The following DOCK4 variants were observed in gnomAD, a reference collection of about 807,000 sequenced individuals.
DOCK4 encodes dedicator of cytokinesis protein 4.
In DOCK4, 97 loss-of-function variants were observed where a neutral mutation model predicts 268.1. The ratio of observed to expected loss-of-function variants is 0.36; its 90% confidence interval spans 0.31 to 0.43. The LOEUF (loss-of-function observed/expected upper bound fraction) is 0.43, where lower values mean the gene tolerates loss of function less well. DOCK4 is among the 20% of genes least tolerant of loss of function. The pLI is 1.00. For missense variants in DOCK4, 2,145 were observed against 2,455.7 expected (o/e 0.87, Z 2.67); for synonymous variants, 954 against 887.2 (o/e 1.08, Z -1.34).
chr7:111,907,849 C>T (rs932808332), intron 13 of DOCK4, among the ~76,000 whole-genome samples: 21 of 152,124 alleles, frequency 1.4e-4, no homozygotes, highest in Non-Finnish European at 2.8e-4. Flanking sequence ...CTACCTCAGC[C>T]TCCTGAGTAG....
chr7:112,198,988 A>G (rs1587040054), intron 1 of DOCK4, among the ~76,000 whole-genome samples: 1 of 152,222 alleles, frequency 6.6e-6, no homozygotes, highest in African/African-American at 2.4e-5. Context: ...CTCTGTGCAT[A>G]AAGTGTTTTG....
chr7:111,791,928 T>C (rs1228448625), intron 30 of DOCK4, among the ~76,000 whole-genome samples: 1 of 151,890 alleles, frequency 6.6e-6, no homozygotes, highest in East Asian at 1.9e-4. Context: ...TAAATAGTGG[T>C]CCCCCCAAAA....
chr7:111,929,463 A>G (rs1218565823), intron 12 of DOCK4, among the ~76,000 whole-genome samples: 6 of 152,340 alleles, frequency 3.9e-5, no homozygotes, highest in African/African-American at 1.4e-4. Context: ...ATGTCTAACC[A>G]ATAGGTGGTG....
At chr7:112,093,642 G>A (rs761973069) in intron 1 of DOCK4, among the ~76,000 whole-genome samples, 7 of 152,050 alleles carry the variant, frequency 4.6e-5, no homozygotes, top group Non-Finnish European at 8.8e-5. Flanking sequence ...TAAGCAAAGC[G>A]ACCTTTCTGT....
At chr7:111,829,601 T>A (rs1172781128) in intron 26 of DOCK4, among the ~76,000 whole-genome samples, 1 of 152,218 alleles carries the variant, frequency 6.6e-6, no homozygotes, top group Admixed American at 6.5e-5. Flanking sequence ...ATATCTCTAA[T>A]GTCTAAGCAA....
chr7:111,970,417 T>G (rs1404224072), intron 8 of DOCK4, among the ~76,000 whole-genome samples: 1 of 152,164 alleles, frequency 6.6e-6, no homozygotes, highest in Non-Finnish European at 1.5e-5. Flanking sequence ...CAAGGGCTGA[T>G]TAAATTAATA....
intron 1 of DOCK4, among the ~76,000 whole-genome samples, chr7:112,188,624 C>G (rs984593583): frequency 9.9e-5 from 15 of 152,200 alleles, no homozygotes; most frequent in Non-Finnish European, 7.3e-5. Flanking sequence ...TTCATACCCC[C>G]CAACCCAGAA....
At chr7:112,150,278 C>T (rs1026800063) in intron 1 of DOCK4, among the ~76,000 whole-genome samples, 3 of 152,100 alleles carry the variant, frequency 2.0e-5, no homozygotes, top group African/African-American at 7.2e-5. Flanking sequence ...ACTGTCTTAT[C>T]ATGGTTGGCA....
chr7:111,933,251 T>C (rs1794390281), intron 12 of DOCK4, among the ~76,000 whole-genome samples: 1 of 143,880 alleles, frequency 7.0e-6, no homozygotes, highest in Admixed American at 7.0e-5. Context: ...TATATATACA[T>C]ATATACTTAT....
intron 4 of DOCK4, among the ~76,000 whole-genome samples, chr7:111,996,924 C>G (rs1034536811): frequency 2.6e-5 from 4 of 152,218 alleles, no homozygotes; most frequent in Non-Finnish European, 5.9e-5. Flanking sequence ...TCTCTCTTTT[C>G]TCTTCCTTGG....
At position 111,741,285 on chromosome 7, in the gene DOCK4, A is replaced by G. The variant is rs1236624696; in HGVS notation, c.4920-71T>C. 5.1e-6 allele frequency: 8 copies of G among 1,577,370 alleles called. No homozygotes were observed. The East Asian group carries it at 9.0e-5, about 18-fold the overall frequency. ...GTACTTTATCATGTGCTAGAATGCT[A>G]TGAAACCAAAGGGGGGAAAATACAT... is the stretch of plus-strand genomic sequence containing the variant. On this transcript the variant is annotated intron_variant, in intron 46 of 52. Transcript: ENST00000428084.
intron 23 of DOCK4, among the ~76,000 whole-genome samples, chr7:111,860,155 T>C (rs1269176480): frequency 2.0e-5 from 3 of 152,190 alleles, no homozygotes; most frequent in African/African-American, 7.2e-5. Context: ...TTCTTTTCCT[T>C]CCGACATCTC....
chr7:112,174,936 G>A, intron 1 of DOCK4, among the ~76,000 whole-genome samples: 1 of 142,072 alleles, frequency 7.0e-6, no homozygotes, highest in East Asian at 2.0e-4. Flanking sequence ...GTTTCCCCTG[G>A]AACTTTTTTT....
intron 21 of DOCK4, among the ~76,000 whole-genome samples, chr7:111,868,635 G>A (rs1166504042): frequency 6.6e-6 from 1 of 151,874 alleles, no homozygotes; most frequent in Non-Finnish European, 1.5e-5. Context: ...GCTTGAACCT[G>A]GCAGGCGGAG....
chr7:112,203,544 C>CT (rs1451817058), intron 1 of DOCK4, among the ~76,000 whole-genome samples: 2 of 151,958 alleles, frequency 1.3e-5, no homozygotes, highest in African/African-American at 4.8e-5. Context: ...TAAAAAGTAC[C>CT]TTTGCAGAAA....
At chr7:111,792,438 A>C (rs889754544) in intron 30 of DOCK4, among the ~76,000 whole-genome samples, 2 of 152,154 alleles carry the variant, frequency 1.3e-5, no homozygotes, top group Non-Finnish European at 2.9e-5. Context: ...GCTGGAGTGC[A>C]ATGGCACAAT....
rs1798267599 is a variant in DOCK4, at chr7:111,977,155, G to A, written c.678C>T (p.Asp226=). 1 of 1,613,086 alleles carries A rather than the reference G, an allele frequency of 6.2e-7. No individual in the cohort carries two copies. The highest frequency in any genetic ancestry group is 8.5e-7 in the Non-Finnish European group (1 of 1,179,644). Reference sequence around the variant, plus strand: ...ACCTGATTGGCCGGTTCTCTTTACTGTCAAAGAGTGAGAAGATGACCTCCA... The same window carrying A: ...ACCTGATTGGCCGGTTCTCTTTACTATCAAAGAGTGAGAAGATGACCTCCA... ...EELEVIFSLF[D]SKENRPISER... is the part of the protein sequence containing the mutation. The change falls in exon 8 of 53, where the codon GAC becomes GAT. Residue 226 remains aspartate, a synonymous_variant. Coordinates refer to ENST00000428084, the MANE Select transcript of DOCK4 (RefSeq NM_001363540.2).
At chr7:112,143,385 A>G (rs1815116801) in intron 1 of DOCK4, among the ~76,000 whole-genome samples, 1 of 152,180 alleles carries the variant, frequency 6.6e-6, no homozygotes, top group Admixed American at 6.5e-5. Context: ...ATGATTAACT[A>G]AAACCAAAGC....
At chr7:112,162,603 T>A (rs879728616) in intron 1 of DOCK4, among the ~76,000 whole-genome samples, 9 of 151,002 alleles carry the variant, frequency 6.0e-5, no homozygotes, top group Admixed American at 5.9e-4. Context: ...ATCCTAACCA[T>A]GTAAACTTGG....
Sources: gnomAD v4.1 joint callset for allele counts (sites outside exome capture counted in the v4.1 genomes callset) on GRCh38, gnomAD v4.1.1 for gene constraint, MANE v1.5 for transcripts, NCBI Gene and HGNC (gene_info 2026-07-23, HGNC 2026-07-21) for gene names.